Variants in ENOX2 observed in about 807,000 individuals in gnomAD.
The protein encoded by ENOX2 is ecto-NOX disulfide-thiol exchanger 2.
A neutral mutation model predicts 45.0 loss-of-function variants in ENOX2; 36 were observed. The ratio of observed to expected loss-of-function variants is 0.80; its 90% CI spans 0.61 to 1.06. ENOX2 has a LOEUF of 1.06. Among genes scored for constraint, ENOX2 ranks in the 50% least tolerant of loss-of-function variants. The probability of loss-of-function intolerance (pLI) is 0.00; values close to 1 mark genes in which losing one functional copy is unlikely to be tolerated. For synonymous variants in ENOX2, 174 were observed against 152.3 expected (o/e 1.14, Z -1.05); for missense variants, 423 against 462.5 (o/e 0.91, Z 0.78).
At chrX:130,773,337 T>TA (rs748282947) in intron 3 of ENOX2, among the ~76,000 whole-genome samples, 2 of 111,963 alleles carry the variant, frequency 1.8e-5, no homozygotes. Flanking sequence ...TAACAACTGT[T>TA]ACTCTGCCTC....
intron 2 of ENOX2, among the ~76,000 whole-genome samples, chrX:130,882,901 A>G (rs895775837): frequency 2.7e-5 from 3 of 111,594 alleles, no homozygotes; most frequent in East Asian, 5.6e-4. Context: ...TTGCCATCCA[A>G]TATTGATTCT....
intron 4 of ENOX2, among the ~76,000 whole-genome samples, chrX:130,702,662 T>C (rs2037929622): frequency 9.0e-6 from 1 of 111,617 alleles, no homozygotes; most frequent in Non-Finnish European, 1.9e-5. Flanking sequence ...TATGTATGTG[T>C]GTGTGTATTT....
At chrX:130,694,445 T>C (rs1462874824) in intron 4 of ENOX2, among the ~76,000 whole-genome samples, 1 of 111,185 alleles carries the variant, frequency 9.0e-6, no homozygotes, top group African/African-American at 3.3e-5. Flanking sequence ...ATGACTGACG[T>C]TCTACTAGGT....
At chrX:130,793,761 A>C (rs2077078791) in intron 2 of ENOX2, among the ~76,000 whole-genome samples, 1 of 112,391 alleles carries the variant, frequency 8.9e-6, no homozygotes, top group African/African-American at 3.2e-5. Flanking sequence ...TGAGCAGAAA[A>C]GCAAAATACA....
chrX:130,793,943 C>T (rs2077081596), intron 2 of ENOX2, among the ~76,000 whole-genome samples: 1 of 111,924 alleles, frequency 8.9e-6, no homozygotes, highest in Non-Finnish European at 1.9e-5. Context: ...TATCATTTTC[C>T]TTAGAATAAA....
At position 130,670,165 on chromosome X, in the gene ENOX2, T is replaced by A; in HGVS notation, c.494A>T (p.Lys165Met). Residue 165 changes from lysine to methionine, a missense_variant, in exon 7 of 15, where the codon AAG (lysine) becomes ATG (methionine). Physicochemically the swap from Lys to Met is moderately conservative, Grantham distance 95. Coordinates refer to ENST00000394363, the MANE Select transcript of ENOX2 (RefSeq NM_006375.4). ...AACGTGGAGTCTGCCTGTGTCCTTC[T>A]TGTCAGTACTAGAGCCCAGGCGAAT... Reference protein sequence around the residue: ...YRIRLGSSTDKKDTGRLHVDF... With the variant: ...YRIRLGSSTDMKDTGRLHVDF... The A allele has an allele frequency of 8.3e-7, 1 of 1,210,602 alleles. No homozygotes were observed. Among genetic ancestry groups the A allele is most frequent in the African/African-American group, 1.7e-5 (1 of 57,618 alleles).
intron 2 of ENOX2, among the ~76,000 whole-genome samples, chrX:130,850,078 C>T (rs771806722): frequency 1.8e-5 from 2 of 112,033 alleles, no homozygotes; most frequent in Non-Finnish European, 3.8e-5. Context: ...GTGAAATTTT[C>T]CTCACCTACA....
At chrX:130,637,742 C>T (rs761980754) in intron 10 of ENOX2, among the ~76,000 whole-genome samples, 54 of 112,162 alleles carry the variant, frequency 4.8e-4, no homozygotes, top group African/African-American at 1.4e-3. Context: ...CAACTGCCTA[C>T]ACAATCATGT....
intron 10 of ENOX2, among the ~76,000 whole-genome samples, chrX:130,654,758 G>C: frequency 8.9e-6 from 1 of 112,470 alleles, no homozygotes; most frequent in South Asian, 3.7e-4. Flanking sequence ...CTGGCATGTG[G>C]AACAGGAAAG....
chrX:130,813,411 C>T (rs2077425820), intron 2 of ENOX2, among the ~76,000 whole-genome samples: 1 of 112,089 alleles, frequency 8.9e-6, no homozygotes. Context: ...AATGTAAGAC[C>T]TAAAGCTATA....
At chrX:130,772,088 C>G (rs967149006) in intron 3 of ENOX2, among the ~76,000 whole-genome samples, 3 of 112,269 alleles carry the variant, frequency 2.7e-5, no homozygotes, top group Non-Finnish European at 5.6e-5. Flanking sequence ...CAAGACAAAG[C>G]TTTCTACTCG....
At chrX:130,794,293 A>C (rs2077085985) in intron 2 of ENOX2, among the ~76,000 whole-genome samples, 1 of 112,495 alleles carries the variant, frequency 8.9e-6, no homozygotes, top group Non-Finnish European at 1.9e-5. Context: ...TCAGAGCCTG[A>C]GGACAGAGAG....
Position 130,639,716 on chromosome X carries a change from GATA to G in ENOX2, c.1130-2309_1130-2307del, listed in dbSNP as rs1216432531. On this transcript the variant is annotated intron_variant, in intron 10 of 14. Coordinates refer to ENST00000394363, the MANE Select transcript of ENOX2 (RefSeq NM_006375.4). ...ATTAGACAACATACAAGAACAGATG[GATA>G]ATAAGAGCATAAAGAAGAAATTCAA... 4.5e-5 allele frequency among the ~76,000 whole-genome samples: 5 copies of G among 111,257 alleles called. No individual in the cohort carries two copies. In the East Asian group the frequency reaches 1.4e-3, roughly 31 times the overall value.
chrX:130,673,568 C>T (rs1328162292), intron 6 of ENOX2, among the ~76,000 whole-genome samples: 1 of 108,604 alleles, frequency 9.2e-6, no homozygotes, highest in Non-Finnish European at 1.9e-5. Flanking sequence ...CTATACCAAG[C>T]AGAAGAAAGA....
chrX:130,625,391 G>T lies in ENOX2; in HGVS notation c.1669C>A (p.Gln557Lys), dbSNP rs763002461. 43 of 1,208,097 alleles carry T rather than the reference G, an allele frequency of 3.6e-5. No homozygotes were observed. The highest frequency in any genetic ancestry group is 4.7e-5 in the Non-Finnish European group (42 of 893,621). ...CTGGCTCCAACTCCAGTCATTTCCT[G>T]CTTGAAGGTATGCTGGAGTCTACCC... is the stretch of plus-strand genomic sequence containing the variant. ...LMGRLQHTFK[Q>K]EMTGVGASLE... is the part of the protein sequence containing the mutation. Residue 557 changes from glutamine to lysine, a missense_variant, in exon 15 of 15, where the codon CAG becomes AAG. Transcript: ENST00000394363.
At chrX:130,811,678 C>T (rs1430406133) in intron 2 of ENOX2, among the ~76,000 whole-genome samples, 1 of 112,117 alleles carries the variant, frequency 8.9e-6, no homozygotes, top group Non-Finnish European at 1.9e-5. Context: ...TACAATCCCA[C>T]CAAAAGAACA....
chrX:130,705,221 A>T (rs1032009095), intron 3 of ENOX2, among the ~76,000 whole-genome samples: 1 of 112,023 alleles, frequency 8.9e-6, no homozygotes, highest in Non-Finnish European at 1.9e-5. Flanking sequence ...ATTTCTTACA[A>T]CAGTTTGGCT....
chrX:130,692,369 A>G (rs1045497106), intron 4 of ENOX2, among the ~76,000 whole-genome samples: 3 of 113,022 alleles, frequency 2.7e-5, no homozygotes, highest in Non-Finnish European at 5.6e-5. Context: ...TGCCACTTAT[A>G]TTAGGAATTC....
At chrX:130,805,489 C>T (rs952660251) in intron 2 of ENOX2, among the ~76,000 whole-genome samples, 1 of 111,714 alleles carries the variant, frequency 9.0e-6, no homozygotes, top group East Asian at 2.8e-4. Context: ...GCCTGTGTTC[C>T]TTTTTGTTTT....
Sources: gnomAD v4.1 joint callset for allele counts (sites outside exome capture counted in the v4.1 genomes callset) on GRCh38, gnomAD v4.1.1 for gene constraint, MANE v1.5 for transcripts, NCBI Gene and HGNC (gene_info 2026-07-23, HGNC 2026-07-21) for gene names.